AKT3: variants seen among roughly 807,000 people sequenced by gnomAD.
AKT3 encodes the protein RAC-gamma serine/threonine-protein kinase.
AKT3 carries 15 observed loss-of-function variants against 65.3 expected under a neutral mutation model. The observed-to-expected ratio is 0.23, with a 90% CI of 0.15 to 0.35. The LOEUF is 0.35. Ranked by LOEUF, AKT3 falls within the 10% of genes least tolerant of loss-of-function variation. The probability of loss-of-function intolerance (pLI) is 1.00; values close to 1 mark genes in which losing one functional copy is unlikely to be tolerated. For missense variants in AKT3, 243 were observed against 576.5 expected, an observed-to-expected ratio of 0.42 and a Z score of 5.92; for synonymous variants, 206 against 183.8, an observed-to-expected ratio of 1.12 and a Z score of -0.98.
intron 2 of AKT3, among the ~76,000 whole-genome samples, chr1:243,723,794 G>T (rs1038467061): frequency 1.3e-5 from 2 of 152,128 alleles, no homozygotes; most frequent in African/African-American, 2.4e-5. Context: ...AGTGGAACCT[G>T]CCAGCAGTTC....
intron 2 of AKT3, among the ~76,000 whole-genome samples, chr1:243,811,144 A>G (rs978713065): frequency 5.9e-5 from 9 of 152,320 alleles, no homozygotes; most frequent in African/African-American, 1.9e-4. Flanking sequence ...CACCACTCCT[A>G]TTCAACATAG....
chr1:243,806,358 G>T (rs548874669), intron 2 of AKT3, among the ~76,000 whole-genome samples: 2 of 151,004 alleles, frequency 1.3e-5, no homozygotes, highest in Admixed American at 6.6e-5. Context: ...GTATTTATTA[G>T]GGGAAAAAAA....
At chr1:243,762,684 G>T (rs1689561458) in intron 2 of AKT3, among the ~76,000 whole-genome samples, 1 of 152,046 alleles carries the variant, frequency 6.6e-6, no homozygotes, top group South Asian at 2.1e-4. Flanking sequence ...TTTATGCATG[G>T]CAAGGTAAAG....
chr1:243,785,313 T>C (rs554349354), intron 2 of AKT3, among the ~76,000 whole-genome samples: 1 of 151,930 alleles, frequency 6.6e-6, no homozygotes, highest in Admixed American at 6.6e-5. Flanking sequence ...CTCCTGACCT[T>C]GCGATCTGCC....
chr1:243,815,614 T>G (rs1293285477), intron 2 of AKT3, among the ~76,000 whole-genome samples: 1 of 145,156 alleles, frequency 6.9e-6, no homozygotes, highest in African/African-American at 2.6e-5. Context: ...AAATCTATAT[T>G]GCTTTTTTTT....
At chr1:243,543,037 G>A (rs900349140) in intron 12 of AKT3, among the ~76,000 whole-genome samples, 1 of 151,842 alleles carries the variant, frequency 6.6e-6, no homozygotes, top group African/African-American at 2.4e-5. Flanking sequence ...AAATTAAGTG[G>A]CACCCATTAA....
At chr1:243,632,519 A>G (rs892318004) in intron 6 of AKT3, among the ~76,000 whole-genome samples, 1 of 152,202 alleles carries the variant, frequency 6.6e-6, no homozygotes, top group Non-Finnish European at 1.5e-5. Flanking sequence ...TAGAGTTACC[A>G]TAATTCTTAA....
intron 2 of AKT3, among the ~76,000 whole-genome samples, chr1:243,836,241 TATATTA>T (rs1255387618): frequency 2.6e-5 from 4 of 152,120 alleles, no homozygotes; most frequent in Non-Finnish European, 4.4e-5. Flanking sequence ...CAGGAGTTAC[TATATTA>T]ATATCACACA....
intron 12 of AKT3, among the ~76,000 whole-genome samples, chr1:243,533,772 C>T (rs1444532279): frequency 1.3e-5 from 2 of 151,840 alleles, no homozygotes; most frequent in Non-Finnish European, 2.9e-5. Flanking sequence ...GGGCGGATCA[C>T]GAGGTCAGGA....
At chr1:243,558,738 T>G (rs1209769130) in intron 10 of AKT3, among the ~76,000 whole-genome samples, 1 of 152,060 alleles carries the variant, frequency 6.6e-6, no homozygotes, top group Non-Finnish European at 1.5e-5. Context: ...TTATTCAACC[T>G]TCCCCATCTG....
rs541778649 is a variant in AKT3, at chr1:243,515,973, T to C, written c.1252-3547A>G. ...GCCTGGGCGACGGAGCAAGACTCCA[T>C]CTCAAAAAAAAAAAAAAATCTCTTG... On this transcript the variant is annotated intron_variant, in intron 12 of 13. Coordinates refer to ENST00000673466, the MANE Select transcript of AKT3 (RefSeq NM_005465.7). 1.1e-3 allele frequency among the ~76,000 whole-genome samples: 149 copies of C among 137,002 alleles called. 1 individual carries two copies. The highest frequency in any genetic ancestry group is 3.9e-3 in the Admixed American group (54 of 13,852). The allele number at this position is 137,002 out of a possible 152,430, so 89.9% of individuals were successfully genotyped here.
At chr1:243,731,450 G>C (rs1420668653) in intron 2 of AKT3, among the ~76,000 whole-genome samples, 1 of 152,218 alleles carries the variant, frequency 6.6e-6, no homozygotes. Flanking sequence ...TACAGCAACA[G>C]TAACTAGGAT....
At chr1:243,785,555 C>T (rs1004902570) in intron 2 of AKT3, among the ~76,000 whole-genome samples, 7 of 152,072 alleles carry the variant, frequency 4.6e-5, no homozygotes, top group African/African-American at 1.2e-4. Flanking sequence ...TTGTGAAAAC[C>T]TCTCATGTTT....
At chr1:243,790,802 T>A (rs972979392) in intron 2 of AKT3, among the ~76,000 whole-genome samples, 12 of 152,160 alleles carry the variant, frequency 7.9e-5, no homozygotes, top group African/African-American at 2.9e-4. Flanking sequence ...CTAATTTCAA[T>A]ATTGTTGTGT....
chr1:243,690,694 G>A (rs1241795258), intron 3 of AKT3, among the ~76,000 whole-genome samples: 1 of 146,970 alleles, frequency 6.8e-6, no homozygotes. Context: ...CCCAAATCAG[G>A]TCTCATCACC....
chr1:243,534,255 G>A (rs1380792628), intron 12 of AKT3, among the ~76,000 whole-genome samples: 2 of 152,186 alleles, frequency 1.3e-5, no homozygotes, highest in South Asian at 2.1e-4. Context: ...TTAAGACAAA[G>A]TAGGGCAAGG....
In AKT3 at chr1:243,552,842, G is replaced by A. The variant is rs1026697335; in HGVS notation, c.1050C>T (p.Asp350=). ...MCGRLPFYNQ[D]HEKLFELILM... ...ATATTAATTCAAAAAGTTTCTCATGGTCCTGGTTGTAGAAAGGTAACCTCC... is the reference window on the plus strand; with the variant it reads ...ATATTAATTCAAAAAGTTTCTCATGATCCTGGTTGTAGAAAGGTAACCTCC... Residue 350 remains aspartate, a synonymous_variant, in exon 11 of 14, where the codon GAC becomes GAT. Transcript: ENST00000673466. 91 of 1,613,758 alleles carry A rather than the reference G, an allele frequency of 5.6e-5. No homozygotes were observed. The highest frequency in any genetic ancestry group is 6.9e-5 in the Non-Finnish European group (81 of 1,179,920).
At chr1:243,509,191 A>G (rs1669866674) in intron 13 of AKT3, among the ~76,000 whole-genome samples, 1 of 152,138 alleles carries the variant, frequency 6.6e-6, no homozygotes, top group African/African-American at 2.4e-5. Context: ...GTAAAATATG[A>G]CATGCCAGGA....
chr1:243,679,071 C>T (rs1271253587), intron 3 of AKT3, among the ~76,000 whole-genome samples: 2 of 152,110 alleles, frequency 1.3e-5, no homozygotes, highest in Non-Finnish European at 2.9e-5. Context: ...CTTTATGATC[C>T]ACTTCCACTT....
Sources: gnomAD v4.1 joint callset for allele counts (sites outside exome capture counted in the v4.1 genomes callset) on GRCh38, gnomAD v4.1.1 for gene constraint, MANE v1.5 for transcripts, NCBI Gene and HGNC (gene_info 2026-07-23, HGNC 2026-07-21) for gene names.